The following CLDN10 variants were observed in gnomAD, a reference collection of about 807,000 sequenced individuals.
The protein encoded by CLDN10 is claudin-10.
Under a neutral mutation model 22.9 loss-of-function variants are expected in CLDN10, and 15 were observed. That is an observed-to-expected ratio of 0.65 (90% confidence interval 0.44 to 1.01). The LOEUF (loss-of-function observed/expected upper bound fraction) is 1.01, where lower values mean the gene tolerates loss of function less well. Ranked by LOEUF, CLDN10 falls within the 50% of genes least tolerant of loss-of-function variation. The pLI is 0.00. For synonymous variants in CLDN10, 114 were observed against 111.4 expected (o/e 1.02, Z -0.15); for missense variants, 247 against 287.8 (o/e 0.86, Z 1.03).
At chr13:95,476,991 AG>A (rs1266157188) in intron 1 of CLDN10, among the ~76,000 whole-genome samples, 3 of 152,076 alleles carry the variant, frequency 2.0e-5, no homozygotes, top group Non-Finnish European at 4.4e-5. Flanking sequence ...CTGGGAGGAG[AG>A]GCGGGATGCA....
rs7333503 is a variant in CLDN10, at chr13:95,434,226, C to T, written c.214+179C>T. ...TATTGGCTGAAAGAATGACATTTAT[C>T]TTATTTGACAAAGGAGATGTAAGAA... On this transcript the variant is annotated intron_variant, in intron 1 of 4. Coordinates refer to the CLDN10 transcript ENST00000376873. 0.58 allele frequency among the ~76,000 whole-genome samples: 88,091 copies of T among 151,942 alleles called. 28,086 individuals carry two copies. The highest frequency in any genetic ancestry group is 0.86 in the African/African-American group (35,695 of 41,488).
chr13:95,528,304 T>C (rs1270945759), intron 1 of CLDN10, among the ~76,000 whole-genome samples: 1 of 152,172 alleles, frequency 6.6e-6, no homozygotes, highest in Non-Finnish European at 1.5e-5. Flanking sequence ...CCCCTTTCAC[T>C]TGGTTCTCAT....
At chr13:95,571,133 C>T (rs1286248209) in intron 3 of CLDN10, among the ~76,000 whole-genome samples, 2 of 151,628 alleles carry the variant, frequency 1.3e-5, no homozygotes, top group Non-Finnish European at 2.9e-5. Context: ...ACAAAGAAAA[C>T]GTCTAGAAAG....
intron 1 of CLDN10, among the ~76,000 whole-genome samples, chr13:95,521,740 T>G (rs2043226005): frequency 1.3e-5 from 2 of 152,134 alleles, no homozygotes; most frequent in Admixed American, 1.3e-4. Flanking sequence ...TATTTCTTCT[T>G]TAAATATTTG....
chr13:95,443,174 T>A (rs957233780), intron 1 of CLDN10, among the ~76,000 whole-genome samples: 1 of 152,228 alleles, frequency 6.6e-6, no homozygotes, highest in Non-Finnish European at 1.5e-5. Context: ...CATTTGGTGC[T>A]AGCTCCCAAA....
chr13:95,481,236 A>C (rs1365098505), intron 1 of CLDN10, among the ~76,000 whole-genome samples: 1 of 152,130 alleles, frequency 6.6e-6, no homozygotes, highest in African/African-American at 2.4e-5. Context: ...CATAATTTTA[A>C]AACATTTATG....
rs1452371811 is a variant in CLDN10, at chr13:95,578,182, ATAC to A, written c.*171_*173del. 6 of 435,398 alleles carry A rather than the reference ATAC, an allele frequency of 1.4e-5. No individual in the cohort carries two copies. In the East Asian group the frequency reaches 2.1e-4, roughly 16 times the overall value. The allele number at this position is 435,398 out of a possible 1,614,324, so 27.0% of individuals were successfully genotyped here. On this transcript the variant is annotated 3_prime_UTR_variant, in exon 5 of 5. Coordinates refer to ENST00000299339, the MANE Select transcript of CLDN10 (RefSeq NM_006984.5). ...TAAGTGTTCTTACATAGTTAGTTAT[ATAC>A]TAATCATTTTCTGTTGTGGCTTTCT...
chr13:95,555,383 G>A (rs548664291), intron 1 of CLDN10, among the ~76,000 whole-genome samples: 16 of 152,240 alleles, frequency 1.1e-4, no homozygotes, highest in East Asian at 9.7e-4. Flanking sequence ...CCTTATTGCC[G>A]TGGTCAAAAT....
intron 1 of CLDN10, among the ~76,000 whole-genome samples, chr13:95,500,967 A>T (rs946129201): frequency 6.6e-6 from 1 of 152,006 alleles, no homozygotes; most frequent in African/African-American, 2.4e-5. Flanking sequence ...GATACCATCG[A>T]GGGCAGATCA....
rs149931017 is a variant in CLDN10, at chr13:95,498,779, G to A, written c.215-61353G>A. On this transcript the variant is annotated intron_variant, in intron 1 of 4. Coordinates refer to the CLDN10 transcript ENST00000376873. Reference sequence around the variant, plus strand: ...TTTACCACATTGACCATTTTTGAGTGTATAGCTCAATAGTGTTAACTACGT... The same window carrying A: ...TTTACCACATTGACCATTTTTGAGTATATAGCTCAATAGTGTTAACTACGT... 1.1e-3 allele frequency among the ~76,000 whole-genome samples: 173 copies of A among 152,318 alleles called. 1 individual carries two copies. Among genetic ancestry groups the A allele is most frequent in the African/African-American group, 4.0e-3 (168 of 41,570 alleles).
At chr13:95,531,557 G>A (rs541202449) in intron 1 of CLDN10, among the ~76,000 whole-genome samples, 2 of 151,752 alleles carry the variant, frequency 1.3e-5, no homozygotes, top group African/African-American at 4.8e-5. Context: ...TTGAGACAGG[G>A]TCTCACTCTG....
At chr13:95,570,858 G>GTATATATATA (rs55861640) in intron 3 of CLDN10, among the ~76,000 whole-genome samples, 4,462 of 119,400 alleles carry the variant, frequency 0.037, 185 homozygotes, top group African/African-American at 0.09. Context: ...ATATACGTGT[G>GTATATATATA]TATATATATA....
chr13:95,434,443 C>G (rs77701237), intron 1 of CLDN10, among the ~76,000 whole-genome samples: 2 of 52,130 alleles, frequency 3.8e-5, no homozygotes, highest in South Asian at 8.5e-4. Context: ...CTCTCTCTCT[C>G]TGTCTCTCTC....
intron 1 of CLDN10, among the ~76,000 whole-genome samples, chr13:95,533,490 G>A (rs2043368388): frequency 6.6e-6 from 1 of 151,942 alleles, no homozygotes; most frequent in Non-Finnish European, 1.5e-5. Flanking sequence ...TTTTCCAATG[G>A]GACTATTTGA....
At chr13:95,512,902 G>C (rs961458447) in intron 1 of CLDN10, among the ~76,000 whole-genome samples, 1 of 152,072 alleles carries the variant, frequency 6.6e-6, no homozygotes, top group African/African-American at 2.4e-5. Flanking sequence ...TTGAGACAGG[G>C]TCTCTCTCTG....
At chr13:95,493,282 C>T (rs538436770) in intron 1 of CLDN10, among the ~76,000 whole-genome samples, 2 of 152,050 alleles carry the variant, frequency 1.3e-5, no homozygotes, top group Non-Finnish European at 2.9e-5. Flanking sequence ...CCCACCTGGC[C>T]CTAATTTTTT....
At chr13:95,493,518 A>T (rs554513795) in intron 1 of CLDN10, among the ~76,000 whole-genome samples, 3 of 150,454 alleles carry the variant, frequency 2.0e-5, no homozygotes, top group African/African-American at 2.5e-5. Flanking sequence ...GTCTCTGTGA[A>T]TCTGACACTC....
At chr13:95,468,683 G>A (rs34137346) in intron 1 of CLDN10, among the ~76,000 whole-genome samples, 30,585 of 151,778 alleles carry the variant, frequency 0.2, 3,765 homozygotes, top group Non-Finnish European at 0.29. Flanking sequence ...CCAAGATCAC[G>A]CCACTGCACT....
intron 1 of CLDN10, among the ~76,000 whole-genome samples, chr13:95,464,086 GA>G (rs2042561733): frequency 6.7e-6 from 1 of 150,234 alleles, no homozygotes; most frequent in Non-Finnish European, 1.5e-5. Context: ...ACAGACCCAT[GA>G]TTTTTTTTAA....
Sources: allele counts gnomAD v4.1 joint callset (sites outside exome capture counted in the v4.1 genomes callset), GRCh38; gene constraint gnomAD v4.1.1; transcripts MANE v1.5; gene names NCBI Gene and HGNC (gene_info 2026-07-23, HGNC 2026-07-21).